Variants in KCNT2 observed in about 807,000 individuals in gnomAD.
The protein encoded by KCNT2 is potassium sodium-activated channel subfamily T member 2, also known as potassium channel subfamily T member 2.
A neutral mutation model predicts 153.8 loss-of-function variants in KCNT2; 67 were observed. The ratio of observed to expected loss-of-function variants is 0.44; its 90% CI spans 0.36 to 0.53. The LOEUF (loss-of-function observed/expected upper bound fraction) is 0.53, where lower values mean the gene tolerates loss of function less well. KCNT2 is among the 20% of genes least tolerant of loss of function. The pLI, the probability that KCNT2 is intolerant of heterozygous loss-of-function variation, is 0.00. For synonymous variants in KCNT2, 500 were observed against 458.8 expected (o/e 1.09, Z -1.15); for missense variants, 975 against 1,354.8 (o/e 0.72, Z 4.40).
intron 14 of KCNT2, among the ~76,000 whole-genome samples, chr1:196,360,404 TG>T (rs1056590287): frequency 7.2e-5 from 11 of 152,150 alleles, no homozygotes; most frequent in Admixed American, 6.6e-4. Flanking sequence ...CAGAATTATT[TG>T]CATAGAGGCA....
intron 25 of KCNT2, among the ~76,000 whole-genome samples, chr1:196,263,959 T>A (rs1657275554): frequency 6.6e-6 from 1 of 152,184 alleles, no homozygotes; most frequent in South Asian, 2.1e-4. Context: ...TGTGTGTGTG[T>A]GTTTAATTCA....
intron 1 of KCNT2, among the ~76,000 whole-genome samples, chr1:196,494,007 C>G (rs572731852): frequency 1.3e-5 from 2 of 152,282 alleles, no homozygotes; most frequent in African/African-American, 4.8e-5. Context: ...GCAATGATAT[C>G]TTTTAGCAGA....
chr1:196,532,611 G>A (rs1337918452), intron 1 of KCNT2, among the ~76,000 whole-genome samples: 2 of 151,786 alleles, frequency 1.3e-5, no homozygotes, highest in East Asian at 1.9e-4. Flanking sequence ...AAATAAAAGA[G>A]AATAGAAAAA....
chr1:196,313,827 A>G (rs9970935), intron 21 of KCNT2, among the ~76,000 whole-genome samples: 39,681 of 151,452 alleles, frequency 0.26, 7,241 homozygotes, highest in African/African-American at 0.52. Context: ...AATTCTGCTC[A>G]AAACTATTCA....
In KCNT2 at chr1:196,429,619, T is replaced by C. The variant is rs558329502; in HGVS notation, c.777A>G (p.Val259=). The stretch of plus-strand genomic sequence containing the variant: ...CAAGAGCAACACAAATCATAGCAAC[T>C]ACAAAAAGCTTGGAGGACCATGTTT... ...TPETWSSKLF[V]VAMICVALVV... The change falls in exon 9 of 28, where the codon GTA becomes GTG. Residue 259 remains valine, a synonymous_variant. Coordinates refer to ENST00000294725, the MANE Select transcript of KCNT2 (RefSeq NM_198503.5). The C allele has an allele frequency of 4.3e-6, 7 of 1,612,602 alleles. No individual in the cohort carries two copies. In the Admixed American group the frequency reaches 1.0e-4, roughly 23 times the overall value.
chr1:196,447,228 T>C (rs188595476), intron 8 of KCNT2, among the ~76,000 whole-genome samples: 1 of 151,544 alleles, frequency 6.6e-6, no homozygotes, highest in East Asian at 2.0e-4. Context: ...TGATCGAAAA[T>C]AATGGAAAAC....
chr1:196,305,746 C>T (rs750014611), intron 21 of KCNT2, among the ~76,000 whole-genome samples: 4 of 152,102 alleles, frequency 2.6e-5, no homozygotes, highest in Non-Finnish European at 5.9e-5. Context: ...TTCTTGTCTA[C>T]TATGTGAGCT....
At chr1:196,439,632 T>C (rs1675045866) in intron 8 of KCNT2, among the ~76,000 whole-genome samples, 1 of 151,984 alleles carries the variant, frequency 6.6e-6, no homozygotes, top group African/African-American at 2.4e-5. Context: ...AGGTAGAAGG[T>C]AGGAAAATAT....
intron 22 of KCNT2, among the ~76,000 whole-genome samples, chr1:196,299,414 A>G (rs1660976255): frequency 6.6e-6 from 1 of 152,178 alleles, no homozygotes. Flanking sequence ...TCAGATGAAA[A>G]GGAAAATGGG....
intron 2 of KCNT2, 93 bp from the exon 3 acceptor site, chr1:196,490,030 A>C: frequency 1.7e-6 from 1 of 587,236 alleles, no homozygotes; most frequent in Non-Finnish European, 3.0e-6. Flanking sequence ...TAAATACAGC[A>C]CTTAAATTGT....
chr1:196,555,105 T>C (rs765082933), intron 1 of KCNT2, among the ~76,000 whole-genome samples: 1 of 151,286 alleles, frequency 6.6e-6, no homozygotes, highest in Non-Finnish European at 1.5e-5. Context: ...CTTTCTCCAC[T>C]GTTATTCACC....
In KCNT2 at chr1:196,436,464, C is replaced by A. The variant is rs145411079; in HGVS notation, c.639-6707G>T. 4.0e-3 allele frequency among the ~76,000 whole-genome samples: 611 copies of A among 151,614 alleles called. 4 individuals are homozygous for A. The highest frequency in any genetic ancestry group is 6.0e-3 in the Non-Finnish European group (403 of 67,598). ...AGACAGCTTTAGAACTGGTAACATACTGGATTTGCCTTATGCACAAACATT... is the reference window on the plus strand; with the variant it reads ...AGACAGCTTTAGAACTGGTAACATAATGGATTTGCCTTATGCACAAACATT... On this transcript the variant is annotated intron_variant, in intron 8 of 27. Transcript: ENST00000294725.
intron 3 of KCNT2, among the ~76,000 whole-genome samples, chr1:196,482,760 A>G (rs1679112871): frequency 6.6e-6 from 1 of 152,144 alleles, no homozygotes; most frequent in African/African-American, 2.4e-5. Context: ...CTGTATAAAT[A>G]CAACAGTATA....
intron 5 of KCNT2, among the ~76,000 whole-genome samples, chr1:196,472,570 C>G (rs1428146969): frequency 1.3e-5 from 2 of 152,150 alleles, no homozygotes; most frequent in Admixed American, 1.3e-4. Flanking sequence ...TGACTCAGAT[C>G]AACTGCTTAA....
At chr1:196,415,815 C>A (rs982144553) in intron 12 of KCNT2, among the ~76,000 whole-genome samples, 4 of 151,890 alleles carry the variant, frequency 2.6e-5, no homozygotes, top group African/African-American at 9.7e-5. Flanking sequence ...TACCAGGACT[C>A]AATGACACTC....
chr1:196,590,716 A>T (rs73069770), intron 1 of KCNT2, among the ~76,000 whole-genome samples: 19,329 of 152,210 alleles, frequency 0.13, 3,848 homozygotes, highest in African/African-American at 0.43. Flanking sequence ...TTCTAAATTG[A>T]TATTTTCACG....
chr1:196,268,623 T>C (rs1427204597), intron 25 of KCNT2, among the ~76,000 whole-genome samples: 3 of 152,124 alleles, frequency 2.0e-5, no homozygotes, highest in Non-Finnish European at 4.4e-5. Context: ...CAATGCAACC[T>C]TCTGCCCCAG....
At chr1:196,449,326 C>A (rs997391303) in intron 8 of KCNT2, among the ~76,000 whole-genome samples, 3 of 151,468 alleles carry the variant, frequency 2.0e-5, no homozygotes. Flanking sequence ...AATAAATACC[C>A]AAAACTTATA....
chr1:196,544,734 T>C (rs1449140492), intron 1 of KCNT2, among the ~76,000 whole-genome samples: 1 of 152,108 alleles, frequency 6.6e-6, no homozygotes, highest in African/African-American at 2.4e-5. Context: ...CTTTTCATCC[T>C]AATTTGTTTT....
Sources: gnomAD v4.1 joint callset for allele counts (sites outside exome capture counted in the v4.1 genomes callset) on GRCh38, gnomAD v4.1.1 for gene constraint, MANE v1.5 for transcripts, NCBI Gene and HGNC (gene_info 2026-07-23, HGNC 2026-07-21) for gene names.